AMOT: variants seen among roughly 807,000 people sequenced by gnomAD.
AMOT encodes the protein angiomotin.
Under a neutral mutation model 67.0 loss-of-function variants are expected in AMOT, and 11 were observed. That is an observed-to-expected ratio of 0.16 (90% CI 0.10 to 0.27). AMOT has a LOEUF of 0.27. Ranked by LOEUF, AMOT falls within the 10% of genes least tolerant of loss-of-function variation. The probability of loss-of-function intolerance (pLI) is 1.00; values close to 1 mark genes in which losing one functional copy is unlikely to be tolerated. For synonymous variants in AMOT, 326 were observed against 321.4 expected, an observed-to-expected ratio of 1.01 and a Z score of -0.15; for missense variants, 753 against 852.0, an observed-to-expected ratio of 0.88 and a Z score of 1.45.
chrX:112,803,907 A>G (rs1259640069), intron 8 of AMOT, among the ~76,000 whole-genome samples: 1 of 112,198 alleles, frequency 8.9e-6, no homozygotes, highest in Non-Finnish European at 1.9e-5. Context: ...TTCAGAGCAG[A>G]AGTCTGTGAG....
At chrX:112,780,233 A>G (rs1348377221) in intron 12 of AMOT, 1 of 112,469 alleles carries the variant, frequency 8.9e-6, no homozygotes, top group Non-Finnish European at 1.9e-5. Context: ...AAGATATTAC[A>G]AGTATCAGAG....
intron 4 of AMOT, among the ~76,000 whole-genome samples, chrX:112,816,883 A>C (rs1424667530): frequency 1.8e-5 from 2 of 112,318 alleles, no homozygotes; most frequent in African/African-American, 3.2e-5. Flanking sequence ...TACCAGGTAC[A>C]AAATGCTAAC....
chrX:112,810,106 G>A, intron 6 of AMOT, 120 bp from the exon 7 acceptor site: 1 of 534,074 alleles, frequency 1.9e-6, no homozygotes, highest in African/African-American at 2.3e-5. Flanking sequence ...AAACAGGAAT[G>A]GGTGACTAAC....
intron 10 of AMOT, among the ~76,000 whole-genome samples, chrX:112,784,289 A>T (rs1297279292): frequency 3.6e-5 from 4 of 112,115 alleles, no homozygotes; most frequent in Admixed American, 2.8e-4. Context: ...CTCCAAGTAC[A>T]CTCTGCCCCT....
chrX:112,811,261 T>C lies in AMOT; in HGVS notation c.1525A>G (p.Arg509Gly), dbSNP rs1556222184. The change falls in exon 6 of 14, where the codon AGG becomes GGG. Residue 509 changes from arginine (R) to glycine (G), a missense_variant. Transcript: ENST00000371959. The part of the protein sequence containing the change: ...GEIRRMHDFN[R>G]DLRERLETAN... Reference sequence around the variant, plus strand: ...TTGGTTCCCTCACCTCTCAGATCCCTGTTGAAATCATGCATCCTCCGAATC... The same window carrying C: ...TTGGTTCCCTCACCTCTCAGATCCCCGTTGAAATCATGCATCCTCCGAATC... The C allele has an allele frequency of 8.3e-7, 1 of 1,211,364 alleles. No homozygotes were observed.
At chrX:112,780,777 C>T in intron 12 of AMOT, 109 bp downstream of exon 12, 2 of 842,440 alleles carry the variant, frequency 2.4e-6, no homozygotes, top group East Asian at 3.2e-5. Context: ...CCCTGGTACA[C>T]CTTCCTCTCT....
intron 4 of AMOT, among the ~76,000 whole-genome samples, chrX:112,820,371 A>G (rs1375998696): frequency 9.0e-6 from 1 of 111,327 alleles, no homozygotes; most frequent in Non-Finnish European, 1.9e-5. Flanking sequence ...AAATACATGC[A>G]GCTAAATTTC....
intron 7 of AMOT, 34 bp downstream of exon 7, chrX:112,809,860 C>T (rs759779184): frequency 1.2e-5 from 14 of 1,163,254 alleles, no homozygotes; most frequent in Middle Eastern, 4.7e-4. Context: ...CCCATCCACA[C>T]GTTAATACCT....
Position 112,809,979 on chromosome X carries a change from T to C in AMOT, c.1545A>G (p.Leu515=). Residue 515 remains leucine (L), a synonymous_variant, in exon 7 of 14, where the codon CTA becomes CTG. Transcript: ENST00000371959. The stretch of plus-strand genomic sequence containing the variant: ...CTGCAAGCTGCTTGTTGGCAGTCTC[T>C]AGACGCTCTGTGAAATTTGGAGACA... ...HDFNRDLRER[L]ETANKQLAEK... is the part of the protein sequence containing the mutation. The C allele has an allele frequency of 8.3e-7, 1 of 1,208,253 alleles. No homozygotes were observed. The highest frequency in any genetic ancestry group is 1.1e-6 in the Non-Finnish European group (1 of 892,835).
At chrX:112,809,381 C>G (rs751930950) in intron 7 of AMOT, among the ~76,000 whole-genome samples, 43 of 111,209 alleles carry the variant, frequency 3.9e-4, no homozygotes, top group African/African-American at 1.3e-3. Flanking sequence ...TGCCCTCCCC[C>G]ACATCCTCCA....
At chrX:112,788,583 G>C (rs933563702) in intron 10 of AMOT, among the ~76,000 whole-genome samples, 1 of 112,228 alleles carries the variant, frequency 8.9e-6, no homozygotes, top group Non-Finnish European at 1.9e-5. Context: ...CACTGGAAAA[G>C]TAATATAATC....
At chrX:112,796,279 A>C (rs1046911271) in intron 8 of AMOT, among the ~76,000 whole-genome samples, 2 of 112,264 alleles carry the variant, frequency 1.8e-5, no homozygotes, top group Non-Finnish European at 3.8e-5. Flanking sequence ...TGTTCTTGTC[A>C]TAAGACCCTA....
intron 10 of AMOT, among the ~76,000 whole-genome samples, chrX:112,790,035 C>A (rs2147786053): frequency 9.7e-6 from 1 of 102,648 alleles, no homozygotes; most frequent in Non-Finnish European, 2.0e-5. Flanking sequence ...CTTTCTCTCC[C>A]TTACCAGATG....
intron 1 of AMOT, among the ~76,000 whole-genome samples, chrX:112,833,672 C>T (rs894825867): frequency 6.3e-5 from 7 of 111,979 alleles, no homozygotes; most frequent in African/African-American, 2.0e-4. Flanking sequence ...CTAATTCATA[C>T]GGGAAATTCA....
intron 6 of AMOT, among the ~76,000 whole-genome samples, chrX:112,810,648 T>C (rs983574451): frequency 9.2e-6 from 1 of 108,215 alleles, no homozygotes; most frequent in Non-Finnish European, 1.9e-5. Flanking sequence ...AGGTGGAGGT[T>C]GCAGTGAGCC....
intron 12 of AMOT, chrX:112,780,236 T>C (rs1933103560): frequency 8.9e-6 from 1 of 112,253 alleles, no homozygotes; most frequent in African/African-American, 3.2e-5. Context: ...ATATTACAAG[T>C]ATCAGAGGAC....
chrX:112,835,151 C>T lies in AMOT; in HGVS notation c.-288-2781G>A, dbSNP rs770469502. Among the ~76,000 whole-genome samples, 268 of 49,432 alleles carry T rather than the reference C, an allele frequency of 5.4e-3. 1 individual carries two copies. Among genetic ancestry groups the T allele is most frequent in the African/African-American group, 0.017 (248 of 14,711 alleles). The allele number at this position is 49,432 out of a possible 115,157, so 42.9% of individuals were successfully genotyped here. On this transcript the variant is annotated intron_variant, in intron 1 of 13. Transcript: ENST00000371959. ...AGCATGTGCCCAATATGAAGCATGC[C>T]GAAACACCTCTGTGATTATTAATAT...
intron 10 of AMOT, among the ~76,000 whole-genome samples, chrX:112,789,963 T>C (rs186012532): frequency 5.6e-5 from 6 of 107,128 alleles, no homozygotes; most frequent in Non-Finnish European, 7.7e-5. Context: ...AGGCCAATAA[T>C]TGACTTTTAT....
intron 4 of AMOT, 140 bp downstream of exon 4, chrX:112,822,115 T>C (rs1934730325): frequency 2.5e-6 from 2 of 792,784 alleles, no homozygotes; most frequent in Admixed American, 4.7e-5. Context: ...TGGCAGGCAA[T>C]TCACGAAGCC....
Sources: allele counts gnomAD v4.1 joint callset (sites outside exome capture counted in the v4.1 genomes callset), GRCh38; gene constraint gnomAD v4.1.1; transcripts MANE v1.5; gene names NCBI Gene and HGNC (gene_info 2026-07-23, HGNC 2026-07-21).